Variants in MAST4 observed in about 807,000 individuals in gnomAD.
MAST4 encodes the protein microtubule associated serine/threonine kinase family member 4.
MAST4 carries 89 observed loss-of-function variants against 162.7 expected under a neutral mutation model. The ratio of observed to expected loss-of-function variants is 0.55; its 90% CI spans 0.46 to 0.65. The LOEUF is 0.65. MAST4 is among the 30% of genes least tolerant of loss of function. MAST4 has a pLI of 0.00. For synonymous variants in MAST4, 1,479 were observed against 1,361.1 expected, an observed-to-expected ratio of 1.09 and a Z score of -1.91; for missense variants, 3,153 against 3,374.0, an observed-to-expected ratio of 0.93 and a Z score of 1.62.
At chr5:66,756,440 A>G (rs1013540142) in intron 1 of MAST4, among the ~76,000 whole-genome samples, 1 of 152,232 alleles carries the variant, frequency 6.6e-6, no homozygotes, top group East Asian at 1.9e-4. Flanking sequence ...TATCATGCCC[A>G]GGCTTAGATG....
rs564527012 is a variant in MAST4 at position 66,888,843 on chromosome 5, G to T, written c.643-11108G>T. On this transcript the variant is annotated intron_variant, in intron 3 of 28. Transcript: ENST00000403625. ...TGAAAGTAGAAATCTGTTAAGCAGG[G>T]TTCTTTCTAGTTGCTGAGTTTTTAT... 2.6e-5 allele frequency among the ~76,000 whole-genome samples: 4 copies of T among 152,264 alleles called. No homozygotes were observed. In the South Asian group the frequency reaches 8.3e-4, roughly 32 times the overall value.
intron 4 of MAST4, among the ~76,000 whole-genome samples, chr5:67,019,817 G>C (rs530824275): frequency 6.6e-6 from 1 of 152,098 alleles, no homozygotes. Flanking sequence ...ATATAGAGTC[G>C]TATGTTGAAA....
chr5:67,140,749 C>T (rs1475645435), intron 19 of MAST4, among the ~76,000 whole-genome samples: 2 of 152,242 alleles, frequency 1.3e-5, no homozygotes, highest in African/African-American at 4.8e-5. Context: ...GGAAACAAGA[C>T]ATCTGTCCTG....
Position 66,923,697 on chromosome 5 carries a change from G to A in MAST4, c.674+23715G>A, listed in dbSNP as rs370942815. Among the ~76,000 whole-genome samples the A allele has an allele frequency of 9.2e-5, 14 of 152,138 alleles. No individual in the cohort carries two copies. The East Asian group carries it at 2.5e-3, about 27-fold the overall frequency. The stretch of plus-strand genomic sequence containing the variant: ...TCTAAATGACTCTTGAGGTTGCAAA[G>A]ATCTTGCTTTTTGGTTGCTGCTCTA... On this transcript the variant is annotated intron_variant, in intron 4 of 28. Coordinates refer to ENST00000403625, the MANE Select transcript of MAST4 (RefSeq NM_001164664.2).
intron 4 of MAST4, among the ~76,000 whole-genome samples, chr5:66,987,432 CTT>C (rs11315007): frequency 2.0e-5 from 3 of 151,548 alleles, no homozygotes; most frequent in Non-Finnish European, 4.4e-5. Flanking sequence ...TTATAATACC[CTT>C]TTTTTTGTAA....
chr5:66,970,984 T>C (rs1747359593), intron 4 of MAST4, among the ~76,000 whole-genome samples: 1 of 152,218 alleles, frequency 6.6e-6, no homozygotes. Context: ...CAACAGATTA[T>C]GCCCTCTTCC....
chr5:66,650,651 A>G (rs1227826047), intron 1 of MAST4, among the ~76,000 whole-genome samples: 1 of 152,196 alleles, frequency 6.6e-6, no homozygotes, highest in African/African-American at 2.4e-5. Context: ...TGAAAATTTA[A>G]TGAGCATCAT....
At position 66,686,017 on chromosome 5, in the gene MAST4, G is replaced by A. The variant is rs557523347; in HGVS notation, c.364-73692G>A. Among the ~76,000 whole-genome samples the A allele has an allele frequency of 7.9e-5, 12 of 152,158 alleles. No individual in the cohort carries two copies. The East Asian group carries it at 2.1e-3, about 27-fold the overall frequency. ...ATCTGACAGGAGGTGGAGTTCAGAC[G>A]GTAATGCTTGCTCACCTGTTGCTCA... On this transcript the variant is annotated intron_variant, in intron 1 of 28. Coordinates refer to ENST00000403625, the MANE Select transcript of MAST4 (RefSeq NM_001164664.2).
chr5:66,633,286 T>C (rs1311250630), intron 1 of MAST4, among the ~76,000 whole-genome samples: 1 of 152,180 alleles, frequency 6.6e-6, no homozygotes, highest in Non-Finnish European at 1.5e-5. Context: ...AGCCATCTTT[T>C]CATGAAAAGA....
chr5:66,915,635 T>C (rs1468973441), intron 4 of MAST4, among the ~76,000 whole-genome samples: 1 of 152,160 alleles, frequency 6.6e-6, no homozygotes, highest in Non-Finnish European at 1.5e-5. Context: ...CTCAAAGTGA[T>C]TGGAGGAAAA....
chr5:66,769,984 C>T (rs1754289419), intron 2 of MAST4, among the ~76,000 whole-genome samples: 1 of 152,198 alleles, frequency 6.6e-6, no homozygotes, highest in Non-Finnish European at 1.5e-5. Context: ...TATAAAATTG[C>T]TATGCTGAAG....
chr5:66,728,309 A>G (rs1052903131), intron 1 of MAST4, among the ~76,000 whole-genome samples: 1 of 152,164 alleles, frequency 6.6e-6, no homozygotes, highest in East Asian at 1.9e-4. Context: ...AGAAATTTCC[A>G]TGGAAAATAA....
chr5:66,898,800 T>G (rs900060487), intron 3 of MAST4, among the ~76,000 whole-genome samples: 2 of 152,220 alleles, frequency 1.3e-5, no homozygotes, highest in Admixed American at 1.3e-4. Flanking sequence ...TAAGTCCTGC[T>G]GTGTTTAAAG....
chr5:66,773,103 G>C (rs1317052240), intron 2 of MAST4, among the ~76,000 whole-genome samples: 2 of 152,180 alleles, frequency 1.3e-5, no homozygotes, highest in Non-Finnish European at 2.9e-5. Flanking sequence ...TGGGAATGTA[G>C]AAGTTTTTTT....
intron 4 of MAST4, among the ~76,000 whole-genome samples, chr5:67,030,041 A>G (rs1444723915): frequency 6.6e-6 from 1 of 152,110 alleles, no homozygotes; most frequent in Non-Finnish European, 1.5e-5. Context: ...TAAGGTTGAA[A>G]TTTACTAGTA....
intron 2 of MAST4, among the ~76,000 whole-genome samples, chr5:66,772,020 T>C (rs1269354417): frequency 6.6e-6 from 1 of 152,218 alleles, no homozygotes; most frequent in Non-Finnish European, 1.5e-5. Context: ...CCCTCAGAGA[T>C]GAAGTGGCTT....
At chr5:67,126,229 G>T (rs1768214471) in intron 14 of MAST4, among the ~76,000 whole-genome samples, 2 of 152,148 alleles carry the variant, frequency 1.3e-5, no homozygotes, top group African/African-American at 4.8e-5. Flanking sequence ...CTTTTGCTGT[G>T]CAGAAGCTCT....
At chr5:66,852,703 G>T (rs1486053764) in intron 3 of MAST4, among the ~76,000 whole-genome samples, 1 of 152,106 alleles carries the variant, frequency 6.6e-6, no homozygotes, top group Non-Finnish European at 1.5e-5. Flanking sequence ...TAAATCTTTT[G>T]TATAGAAAAT....
At chr5:66,789,813 T>C in intron 3 of MAST4, 2 of 510,372 alleles carry the variant, frequency 3.9e-6, no homozygotes, top group Non-Finnish European at 7.8e-6. Flanking sequence ...ATCAAAATTT[T>C]CCCCAAGAAT....
Sources: allele counts gnomAD v4.1 joint callset (sites outside exome capture counted in the v4.1 genomes callset), GRCh38; gene constraint gnomAD v4.1.1; transcripts MANE v1.5; gene names NCBI Gene and HGNC (gene_info 2026-07-23, HGNC 2026-07-21).